Variants in LCT observed in about 807,000 individuals in gnomAD.
LCT encodes lactase/phlorizin hydrolase.
Under a neutral mutation model 173.0 loss-of-function variants are expected in LCT, and 90 were observed. That is an observed-to-expected ratio of 0.52 (90% CI 0.44 to 0.62). LCT has a LOEUF of 0.62. Ranked by LOEUF, LCT falls within the 20% of genes least tolerant of loss-of-function variation. The pLI, the probability that LCT is intolerant of heterozygous loss-of-function variation, is 0.00. For missense variants in LCT, 1,864 were observed against 2,431.4 expected (o/e 0.77, Z 4.91); for synonymous variants, 853 against 957.6 (o/e 0.89, Z 2.02).
intron 14 of LCT, among the ~76,000 whole-genome samples, chr2:135,791,383 G>A (rs2077532168): frequency 6.6e-6 from 1 of 152,204 alleles, no homozygotes. Flanking sequence ...AGACAGGCTG[G>A]CACCTCCTTC....
intron 5 of LCT, among the ~76,000 whole-genome samples, chr2:135,819,803 G>A (rs546079816): frequency 2.0e-5 from 3 of 152,162 alleles, no homozygotes; most frequent in South Asian, 2.1e-4. Flanking sequence ...TAAACACAGC[G>A]TCCGCTGCTC....
chr2:135,822,113 A>G lies in LCT; in HGVS notation c.908-15T>C. On this transcript the variant is annotated splice_polypyrimidine_tract_variant and intron_variant, in intron 4 of 16. Coordinates refer to ENST00000264162, the MANE Select transcript of LCT (RefSeq NM_002299.4). ...TTTATTTATGGCTGTAAGAGAAGAA[A>G]TTGAATTAACTCTATGTAAATGCCA... 6.8e-7 allele frequency: 1 copy of G among 1,477,130 alleles called. No individual in the cohort carries two copies. 91.5% of individuals were successfully genotyped at this position (1,477,130 alleles called of 1,614,324 possible).
At chr2:135,796,459 G>T (rs1575332184) in intron 13 of LCT, among the ~76,000 whole-genome samples, 1 of 152,178 alleles carries the variant, frequency 6.6e-6, no homozygotes, top group East Asian at 1.9e-4. Flanking sequence ...CACTGCTGCT[G>T]GGCTGGTCTC....
At chr2:135,820,820 C>T (rs746822482) in intron 5 of LCT, among the ~76,000 whole-genome samples, 17 of 152,168 alleles carry the variant, frequency 1.1e-4, no homozygotes, top group East Asian at 3.9e-4. Context: ...CACTCAAGAG[C>T]GTATTGGGAT....
At chr2:135,791,837 G>A (rs189559498) in intron 14 of LCT, among the ~76,000 whole-genome samples, 160 of 152,362 alleles carry the variant, frequency 1.1e-3, no homozygotes, top group African/African-American at 3.7e-3. Context: ...GTGGAAAGAT[G>A]CTTGATGGAA....
Position 135,800,771 on chromosome 2 carries a change from C to T in LCT, c.4702G>A (p.Gly1568Ser), listed in dbSNP as rs558973233. ...GCATGAGCCTTTATTAGATTGTGGC[C>T]AACAATGTAGGGGGCAGTGCCAGGC... ...NRPGTAPYIV[G>S]HNLIKAHAEA... The change falls in exon 12 of 17, where the codon GGC becomes AGC. Residue 1568 changes from glycine (G) to serine (S), a missense_variant. Gly to Ser is a moderately conservative substitution (Grantham distance 56, BLOSUM62 0). Transcript: ENST00000264162. The T allele has an allele frequency of 1.9e-6, 3 of 1,613,872 alleles. No homozygotes were observed. Among genetic ancestry groups the T allele is most frequent in the Non-Finnish European group, 2.5e-6 (3 of 1,180,020 alleles).
rs756289716 is a variant in LCT at position 135,794,675 on chromosome 2, A to T, written c.5077T>A (p.Tyr1693Asn). ...YTTVLAYNLN[Y>N]ATAISSFDAD... Reference sequence around the variant, plus strand: ...TCAAAAGAAGAGATGGCAGTGGCATAGTTGAGGTTGTAGGCGAGGACAGTG... The same window carrying T: ...TCAAAAGAAGAGATGGCAGTGGCATTGTTGAGGTTGTAGGCGAGGACAGTG... Residue 1693 changes from tyrosine (Y) to asparagine (N), a missense_variant, in exon 14 of 17, where the codon TAT (tyrosine) becomes AAT (asparagine). By Grantham distance (143) the Tyr-to-Asn change is moderately radical. Coordinates refer to ENST00000264162, the MANE Select transcript of LCT (RefSeq NM_002299.4). 6.2e-7 allele frequency: 1 copy of T among 1,614,166 alleles called. No individual in the cohort carries two copies. The highest frequency in any genetic ancestry group is 8.5e-7 in the Non-Finnish European group (1 of 1,180,002).
chr2:135,803,433 A>G, intron 11 of LCT, among the ~76,000 whole-genome samples: 1 of 152,244 alleles, frequency 6.6e-6, no homozygotes, highest in Non-Finnish European at 1.5e-5. Context: ...GCAGACAGCT[A>G]GCTCTCCATA....
intron 3 of LCT, among the ~76,000 whole-genome samples, chr2:135,825,528 G>A (rs1165684779): frequency 2.0e-5 from 3 of 152,210 alleles, no homozygotes; most frequent in African/African-American, 7.2e-5. Context: ...GAGGAGCCTC[G>A]GAGGCCCCCA....
chr2:135,830,528 G>A (rs1309171137), intron 2 of LCT, among the ~76,000 whole-genome samples: 1 of 152,202 alleles, frequency 6.6e-6, no homozygotes, highest in Non-Finnish European at 1.5e-5. Context: ...TCAGAACCAA[G>A]TGCTCTGTGA....
At position 135,804,042 on chromosome 2, in the gene LCT, C is replaced by T; in HGVS notation, c.4551G>A (p.Glu1517=). The change falls in exon 11 of 17, where the codon GAG becomes GAA. Residue 1517 remains glutamate (E), a synonymous_variant. Coordinates refer to ENST00000264162, the MANE Select transcript of LCT (RefSeq NM_002299.4). ...ENETIVQRFK[E]YADVLFQRLG... Reference sequence around the variant, plus strand: ...GCCTCTGGAAGAGCACATCTGCATACTCCTTAAACCGCTGCACGATGGTCT... The same window carrying T: ...GCCTCTGGAAGAGCACATCTGCATATTCCTTAAACCGCTGCACGATGGTCT... 6.2e-7 allele frequency: 1 copy of T among 1,614,152 alleles called. No individual in the cohort carries two copies. The highest frequency in any genetic ancestry group is 8.5e-7 in the Non-Finnish European group (1 of 1,179,978).
chr2:135,809,238 C>A lies in LCT; in HGVS notation c.3109G>T (p.Ala1037Ser), dbSNP rs752288117. The A allele has an allele frequency of 1.9e-6, 3 of 1,614,222 alleles. No homozygotes were observed. Among genetic ancestry groups the A allele is most frequent in the East Asian group, 2.2e-5 (1 of 44,884 alleles). ...TAGCTGTCAAACAAGTCAATCAAGGCAGGATTCTCCCAGCCTCCGATATCC... is the reference window on the plus strand; with the variant it reads ...TAGCTGTCAAACAAGTCAATCAAGGAAGGATTCTCCCAGCCTCCGATATCC... ...LQDIGGWENP[A>S]LIDLFDSYAD... The change falls in exon 8 of 17, where the codon GCC (alanine) becomes TCC (serine). Residue 1037 changes from alanine to serine, a missense_variant. By Grantham distance (99) the Ala-to-Ser change is moderately conservative. Transcript: ENST00000264162. The surrounding 1 kb of genome is among the most constrained non-coding windows in gnomAD (Gnocchi z 5.5).
chr2:135,836,740 T>C lies in LCT; in HGVS notation c.430A>G (p.Thr144Ala), dbSNP rs1679403117. Residue 144 changes from threonine to alanine, a missense_variant, in exon 1 of 17, where the codon ACC becomes GCC. By Grantham distance (58) the Thr-to-Ala change is moderately conservative. This residue lies in a region of LCT where 412 missense variants were observed against 462.0 expected (regional missense o/e 0.89). Coordinates refer to ENST00000264162, the MANE Select transcript of LCT (RefSeq NM_002299.4). The stretch of plus-strand genomic sequence containing the variant: ...GCGAAGAGGTCAGCAAAGGCTTCGG[T>C]TCTCCGGAGGGTGCTGGCAGGGAGG... ...QTLPASTLRR[T>A]EAFADLFADY... 6.2e-7 allele frequency: 1 copy of C among 1,614,112 alleles called. No homozygotes were observed. The highest frequency in any genetic ancestry group is 8.5e-7 in the Non-Finnish European group (1 of 1,180,010).
chr2:135,799,819 T>TGAC (rs2077611303), intron 12 of LCT, among the ~76,000 whole-genome samples: 1 of 152,158 alleles, frequency 6.6e-6, no homozygotes, highest in Non-Finnish European at 1.5e-5. Context: ...CTTAAACTCA[T>TGAC]TGAGTTGGCA....
At chr2:135,833,508 G>C (rs2077957019) in intron 1 of LCT, among the ~76,000 whole-genome samples, 1 of 142,892 alleles carries the variant, frequency 7.0e-6, no homozygotes. Flanking sequence ...GTGCAGTCGT[G>C]CCATCTCGGC....
intron 10 of LCT, among the ~76,000 whole-genome samples, chr2:135,804,410 G>A (rs1275120787): frequency 6.6e-6 from 1 of 152,166 alleles, no homozygotes; most frequent in Admixed American, 6.5e-5. Flanking sequence ...GGTCGAGCAC[G>A]GTGGCTCATA....
chr2:135,833,293 C>T, intron 1 of LCT, 103 bp from the exon 2 acceptor site: 1 of 840,204 alleles, frequency 1.2e-6, no homozygotes, highest in South Asian at 1.3e-5. Flanking sequence ...AAGAAATCAT[C>T]CAAATGACTT....
chr2:135,795,808 T>A (rs1021860248), intron 13 of LCT, among the ~76,000 whole-genome samples: 1 of 151,920 alleles, frequency 6.6e-6, no homozygotes, highest in Non-Finnish European at 1.5e-5. Context: ...CCCCTGAGGC[T>A]GGAGTGCAGT....
rs765916010 is a variant in LCT, at chr2:135,803,905, C to G, written c.4663+25G>C. On this transcript the variant is annotated intron_variant, in intron 11 of 16. Coordinates refer to ENST00000264162, the MANE Select transcript of LCT (RefSeq NM_002299.4). ...GCTAAGAATGCCATGATTCAAAGAGCCTATGAGCCAGGGCTGGGACTTACC... is the reference window on the plus strand; with the variant it reads ...GCTAAGAATGCCATGATTCAAAGAGGCTATGAGCCAGGGCTGGGACTTACC... 8.1e-6 allele frequency: 13 copies of G among 1,600,356 alleles called. No homozygotes were observed. In the South Asian group the frequency reaches 1.4e-4, roughly 18 times the overall value.
Sources: gnomAD v4.1 joint callset for allele counts (sites outside exome capture counted in the v4.1 genomes callset) on GRCh38, gnomAD v4.1.1 for gene constraint, gnomAD v4.1.1 regional missense constraint, Gnocchi (gnomAD v3.1) non-coding constraint, MANE v1.5 for transcripts, NCBI Gene and HGNC (gene_info 2026-07-23, HGNC 2026-07-21) for gene names.